KIF1B: variants seen among roughly 807,000 people sequenced by gnomAD.
The protein encoded by KIF1B is kinesin-like protein KIF1B.
Under a neutral mutation model 241.9 loss-of-function variants are expected in KIF1B, and 76 were observed. The ratio of observed to expected loss-of-function variants is 0.31; its 90% CI spans 0.26 to 0.38. The LOEUF is 0.38. KIF1B is among the 10% of genes least tolerant of loss of function. The pLI is 1.00. For synonymous variants in KIF1B, 750 were observed against 796.7 expected (o/e 0.94, Z 0.99); for missense variants, 1,622 against 2,271.4 (o/e 0.71, Z 5.81).
chr1:10,303,944 G>A lies in KIF1B; in HGVS notation c.2115+6698G>A, dbSNP rs538657306. 1.5e-5 allele frequency: 25 copies of A among 1,614,174 alleles called. No individual in the cohort carries two copies. Among genetic ancestry groups the A allele is most frequent in the East Asian group, 2.2e-5 (1 of 44,876 alleles). On this transcript the variant is annotated intron_variant, in intron 22 of 48. Transcript: ENST00000676179. The surrounding 1 kb of genome is among the most constrained non-coding windows in gnomAD (Gnocchi z 5.2). ...CCAGCTTTTAGACGTGGACGTCTGCGCTGGATGAGGCAAGAGCAAATTCGG... is the reference window on the plus strand; with the variant it reads ...CCAGCTTTTAGACGTGGACGTCTGCACTGGATGAGGCAAGAGCAAATTCGG...
chr1:10,372,699 G>A (rs1274853845), intron 45 of KIF1B, among the ~76,000 whole-genome samples: 24 of 136,264 alleles, frequency 1.8e-4, no homozygotes, highest in African/African-American at 6.1e-4. Context: ...GCGCAATCTC[G>A]GCTCACTGCA....
intron 11 of KIF1B, 113 bp from the exon 12 acceptor site, chr1:10,276,208 T>G (rs1649097425): frequency 2.5e-6 from 2 of 791,176 alleles, no homozygotes; most frequent in Admixed American, 4.2e-5. Flanking sequence ...AGAAAGAAAT[T>G]TGACATTACA....
chr1:10,340,852 C>T (rs527729721), intron 32 of KIF1B, among the ~76,000 whole-genome samples: 17 of 152,292 alleles, frequency 1.1e-4, no homozygotes, highest in African/African-American at 3.8e-4. Flanking sequence ...GACTTAAGCT[C>T]AGAGAAATTT....
At chr1:10,248,308 T>C (rs2102164543) in intron 2 of KIF1B, among the ~76,000 whole-genome samples, 1 of 152,108 alleles carries the variant, frequency 6.6e-6, no homozygotes, top group East Asian at 1.9e-4. Context: ...CAAATGATCT[T>C]TCTGCCTCAG....
intron 3 of KIF1B, among the ~76,000 whole-genome samples, chr1:10,257,161 CTCCTGA>C (rs1454031724): frequency 1.3e-5 from 2 of 150,050 alleles, no homozygotes; most frequent in African/African-American, 2.5e-5. Flanking sequence ...AACTCCTGAC[CTCCTGA>C]TCCACCTGCC....
intron 27 of KIF1B, among the ~76,000 whole-genome samples, chr1:10,327,522 A>G (rs1031513673): frequency 1.3e-5 from 2 of 150,770 alleles, no homozygotes; most frequent in African/African-American, 4.9e-5. Context: ...AAAAAAAATG[A>G]ATATTTGTTT....
At chr1:10,275,977 C>T (rs1649082629) in intron 11 of KIF1B, among the ~76,000 whole-genome samples, 1 of 150,298 alleles carries the variant, frequency 6.7e-6, no homozygotes, top group Admixed American at 6.6e-5. Flanking sequence ...GCAATCTTGG[C>T]TCACTGCAGC....
intron 41 of KIF1B, among the ~76,000 whole-genome samples, chr1:10,363,563 C>T (rs192758651): frequency 2.4e-3 from 366 of 151,984 alleles, no homozygotes; most frequent in African/African-American, 7.6e-3. Context: ...TGTGGTGGCG[C>T]GTGCCTGTAA....
intron 6 of KIF1B, 98 bp downstream of exon 6, chr1:10,267,656 G>A (rs1202727073): frequency 1.7e-6 from 2 of 1,197,746 alleles, no homozygotes; most frequent in East Asian, 4.8e-5. Context: ...AGCTATGAAA[G>A]TTGCTTTAAT....
chr1:10,295,287 G>A, intron 18 of KIF1B, 122 bp downstream of exon 18: 1 of 726,778 alleles, frequency 1.4e-6, no homozygotes, highest in East Asian at 2.7e-5. Flanking sequence ...GTCTGAAATA[G>A]TTACAAACTA....
chr1:10,326,765 A>G lies in KIF1B; in HGVS notation c.2924+406A>G, dbSNP rs116475764. Among the ~76,000 whole-genome samples, 4,411 of 152,288 alleles carry G rather than the reference A, an allele frequency of 0.029. 68 individuals carry two copies. Among genetic ancestry groups the G allele is most frequent in the African/African-American group, 0.039 (1,609 of 41,554 alleles). ...GATTGAAAAAGCATATGGAGGTAAC[A>G]TGAGAGAGGGGGCAGAGTGAGGCCA... On this transcript the variant is annotated intron_variant, in intron 27 of 48. Coordinates refer to ENST00000676179, the MANE Select transcript of KIF1B (RefSeq NM_001365951.3). This position sits in a 1 kb window ranked among gnomAD's most constrained non-coding sequence, Gnocchi z 5.2.
In KIF1B at chr1:10,350,848, G is replaced by A. The variant is rs188379236; in HGVS notation, c.3950-1783G>A. Among the ~76,000 whole-genome samples the A allele has an allele frequency of 1.9e-3, 285 of 152,304 alleles. 1 individual carries two copies. The highest frequency in any genetic ancestry group is 6.4e-3 in the African/African-American group (267 of 41,572). ...ACAGTGGCTCACGCCTGTAATCCCA[G>A]CACTTTGGGAGGCCAAGGCAGGCGG... On this transcript the variant is annotated intron_variant, in intron 37 of 48. Transcript: ENST00000676179.
Position 10,378,963 on chromosome 1 carries a change from A to G in KIF1B, c.*2376A>G, listed in dbSNP as rs1183344750. On this transcript the variant is annotated 3_prime_UTR_variant, in exon 49 of 49. Transcript: ENST00000676179. ...TCTAAGTGGTATGTGAGATTTTCTA[A>G]TGTAGTTAGAAGTTTCATTGTCTGA... 3 of 232,832 alleles carry G rather than the reference A, an allele frequency of 1.3e-5. No homozygotes were observed. The highest frequency in any genetic ancestry group is 2.5e-5 in the Non-Finnish European group (3 of 117,952). The allele number at this position is 232,832 out of a possible 1,614,324, so 14.4% of individuals were successfully genotyped here.
chr1:10,277,910 A>C, intron 12 of KIF1B, 76 bp from the exon 13 acceptor site: 1 of 1,280,876 alleles, frequency 7.8e-7, no homozygotes, highest in Non-Finnish European at 1.1e-6. Context: ...TATTTGATTT[A>C]GAGATAATAG....
chr1:10,234,288 A>C (rs897948445), intron 2 of KIF1B, among the ~76,000 whole-genome samples: 7 of 147,190 alleles, frequency 4.8e-5, no homozygotes, highest in African/African-American at 1.8e-4. Context: ...GCTCACTGTA[A>C]CCTCTGTCTC....
At chr1:10,339,707 A>G in intron 31 of KIF1B, 62 bp from the exon 32 acceptor site, 1 of 1,402,060 alleles carries the variant, frequency 7.1e-7, no homozygotes, top group Non-Finnish European at 1.0e-6. Context: ...GGGCTCTTGA[A>G]AGAGATTCTG....
At chr1:10,319,977 A>G in intron 22 of KIF1B, 66 bp from the exon 23 acceptor site, 2 of 1,033,056 alleles carry the variant, frequency 1.9e-6, no homozygotes, top group Middle Eastern at 2.0e-4. Flanking sequence ...TATTCCTTCC[A>G]TTTCTCTTTC....
At chr1:10,215,889 C>T (rs1646761869) in intron 1 of KIF1B, among the ~76,000 whole-genome samples, 2 of 152,270 alleles carry the variant, frequency 1.3e-5, no homozygotes, top group South Asian at 4.1e-4. Context: ...GCTTAGTTCT[C>T]TCTTTCATCC....
chr1:10,258,277 G>A lies in KIF1B; in HGVS notation c.184-216G>A, dbSNP rs188581553. On this transcript the variant is annotated intron_variant, in intron 3 of 48. Coordinates refer to ENST00000676179, the MANE Select transcript of KIF1B (RefSeq NM_001365951.3). ...GATATTTTTATGTATGGCTGACCTG[G>A]ATGACTCTAACAGTGCATGTGTTTG... Among the ~76,000 whole-genome samples the A allele has an allele frequency of 1.1e-4, 17 of 152,146 alleles. No homozygotes were observed. The East Asian group carries it at 3.3e-3, about 29-fold the overall frequency.
Sources: gnomAD v4.1 joint callset for allele counts (sites outside exome capture counted in the v4.1 genomes callset) on GRCh38, gnomAD v4.1.1 for gene constraint, Gnocchi (gnomAD v3.1) non-coding constraint, MANE v1.5 for transcripts, NCBI Gene and HGNC (gene_info 2026-07-23, HGNC 2026-07-21) for gene names.